MZT2B: variants seen among roughly 807,000 people sequenced by gnomAD.
MZT2B encodes the protein mitotic-spindle organizing protein 2B.
A neutral mutation model predicts 12.1 loss-of-function variants in MZT2B; 11 were observed. The observed-to-expected ratio is 0.91, with a 90% CI of 0.57 to 1.50. The LOEUF is 1.50. Ranked by LOEUF, MZT2B falls within the 40% of genes most tolerant of loss-of-function variation. The pLI, the probability that MZT2B is intolerant of heterozygous loss-of-function variation, is 0.00. For missense variants in MZT2B, 209 were observed against 227.7 expected (o/e 0.92, Z 0.53); for synonymous variants, 85 against 109.5 (o/e 0.78, Z 1.40).
the MZT2B span, chr2:130,196,045 T>A: frequency 7.4e-7 from 1 of 1,353,886 alleles, no homozygotes; most frequent in South Asian, 1.5e-5. Context: ...TATGCCTGTC[T>A]ATCCCATCCT....
chr2:130,185,038 G>A (rs955988984), intron 2 of MZT2B: 7 of 309,394 alleles, frequency 2.3e-5, no homozygotes, highest in South Asian at 2.5e-4. Context: ...GGCTGGGCGC[G>A]GTGGCTCACG....
downstream of MZT2B, among the ~76,000 whole-genome samples, chr2:130,193,074 C>T (rs1460318863): frequency 7.0e-6 from 1 of 142,616 alleles, no homozygotes; most frequent in Non-Finnish European, 1.5e-5. Flanking sequence ...ACCTGGACGA[C>T]AGAGCAAGAT....
At chr2:130,185,986 C>T (rs1573762752) in intron 2 of MZT2B, among the ~76,000 whole-genome samples, 1 of 152,050 alleles carries the variant, frequency 6.6e-6, no homozygotes, top group South Asian at 2.1e-4. Context: ...GGGAATGGGG[C>T]AGATGTGGGG....
At chr2:130,182,236 C>G, upstream of MZT2B, 1 of 1,233,424 alleles carries the variant, frequency 8.1e-7, no homozygotes, top group African/African-American at 1.6e-5. Flanking sequence ...GGCGCAGCCG[C>G]TAGGGGGCGC....
chr2:130,190,886 A>G (rs6705558), downstream of MZT2B, among the ~76,000 whole-genome samples: 61,866 of 151,792 alleles, frequency 0.41, 12,793 homozygotes, highest in Admixed American at 0.48. Context: ...GAGAAAAGGC[A>G]TCTGGATTGC....
chr2:130,183,942 T>C, intron 2 of MZT2B: 1 of 1,550,572 alleles, frequency 6.4e-7, no homozygotes, highest in East Asian at 2.4e-5. Flanking sequence ...CCGCCTCTCT[T>C]GCTGCCTGTT....
At chr2:130,204,071 G>T in the MZT2B span, 378 of 1,025,766 alleles carry the variant, frequency 3.7e-4, 1 homozygote, top group African/African-American at 5.4e-3. Context: ...ACCAGCATTG[G>T]CTGTCACTTG....
In MZT2B at chr2:130,190,536, A is replaced by T. The variant is rs777386332; in HGVS notation, c.387A>T (p.Gly129=). Residue 129 remains glycine (G), a synonymous_variant, in exon 3 of 3, where the codon GGA becomes GGT. Transcript: ENST00000281871. ...LALAERSSRE[G]SSQRMPRQPS... ...TGGCGGAACGCAGCAGCCGCGAAGGATCCAGCCAGAGGATGCCACGCCAGC... is the reference window on the plus strand; with the variant it reads ...TGGCGGAACGCAGCAGCCGCGAAGGTTCCAGCCAGAGGATGCCACGCCAGC... The T allele has an allele frequency of 6.2e-7, 1 of 1,613,858 alleles. No homozygotes were observed. Among genetic ancestry groups the T allele is most frequent in the Non-Finnish European group, 8.5e-7 (1 of 1,180,010 alleles).
the MZT2B span, chr2:130,204,175 G>C: frequency 7.4e-6 from 9 of 1,212,430 alleles, no homozygotes; most frequent in African/African-American, 1.6e-5. Flanking sequence ...TCAGCAATTG[G>C]TTGAAGCTTC....
At chr2:130,196,241 C>T in the MZT2B span, 1 of 1,613,880 alleles carries the variant, frequency 6.2e-7, no homozygotes, top group African/African-American at 1.3e-5. Context: ...GGAGTCGTCC[C>T]CGCCACCAAT....
downstream of MZT2B, among the ~76,000 whole-genome samples, chr2:130,193,403 G>A (rs1690317608): frequency 6.6e-6 from 1 of 151,842 alleles, no homozygotes; most frequent in Non-Finnish European, 1.5e-5. Context: ...GAGGTCAGGA[G>A]TTCAAGACCA....
At chr2:130,196,071 C>T in the MZT2B span, 2 of 1,343,540 alleles carry the variant, frequency 1.5e-6, no homozygotes, top group Admixed American at 4.8e-5. Context: ...CAGGAGGATT[C>T]AAAGGAGCCC....
the MZT2B span, among the ~76,000 whole-genome samples, chr2:130,203,345 G>A: frequency 6.6e-6 from 1 of 152,188 alleles, no homozygotes; most frequent in Non-Finnish European, 1.5e-5. Flanking sequence ...ACCCAGAGAG[G>A]CCTGGGGAGG....
At chr2:130,190,847 G>A, downstream of MZT2B, 1 of 1,052,420 alleles carries the variant, frequency 9.5e-7, no homozygotes, top group South Asian at 4.2e-5. Context: ...TTCACCATGG[G>A]TCAACTTCCT....
At chr2:130,185,254 TGAGCC>T (rs1463052118) in intron 2 of MZT2B, among the ~76,000 whole-genome samples, 2 of 143,488 alleles carry the variant, frequency 1.4e-5, no homozygotes, top group African/African-American at 5.3e-5. Context: ...GAGCTTACAG[TGAGCC>T]GAGATCACAC....
the MZT2B span, among the ~76,000 whole-genome samples, chr2:130,201,533 C>T: frequency 1.3e-5 from 2 of 152,098 alleles, no homozygotes; most frequent in African/African-American, 4.8e-5. Context: ...CCTTATAGGC[C>T]CTGTCCCCAA....
the MZT2B span, chr2:130,196,149 C>T: frequency 7.4e-6 from 12 of 1,611,620 alleles, no homozygotes; most frequent in Admixed American, 3.3e-5. Flanking sequence ...AGGCACCTAC[C>T]GACCACAGTG....
chr2:130,181,797 G>A (rs763769251), upstream of MZT2B: 10 of 1,546,816 alleles, frequency 6.5e-6, no homozygotes, highest in Admixed American at 3.9e-5. Context: ...GGCGCCCCAA[G>A]GTACTTTCTC....
Position 130,190,507 on chromosome 2 carries a change from G to T in MZT2B, c.358G>T (p.Ala120Ser). The change falls in exon 3 of 3, where the codon GCC (alanine) becomes TCC (serine). Residue 120 changes from alanine (A) to serine (S), a missense_variant. By Grantham distance (99) the Ala-to-Ser change is moderately conservative. Coordinates refer to ENST00000281871, the MANE Select transcript of MZT2B (RefSeq NM_025029.5). ...CAGCGCTGCCCTCGGGGGAGCATTG[G>T]CCCTGGCGGAACGCAGCAGCCGCGA... ...KGSAALGGAL[A>S]LAERSSREGS... The T allele has an allele frequency of 6.2e-7, 1 of 1,613,778 alleles. No individual in the cohort carries two copies.
Sources: gnomAD v4.1 joint callset for allele counts (sites outside exome capture counted in the v4.1 genomes callset) on GRCh38, gnomAD v4.1.1 for gene constraint, MANE v1.5 for transcripts, NCBI Gene and HGNC (gene_info 2026-07-23, HGNC 2026-07-21) for gene names.